Variants in CCM2 observed in about 807,000 individuals in gnomAD.
CCM2 encodes the protein cerebral cavernous malformations 2 protein.
In CCM2, 25 loss-of-function variants were observed where a neutral mutation model predicts 44.9. That is an observed-to-expected ratio of 0.56 (90% CI 0.41 to 0.78). CCM2 has a LOEUF of 0.78. Ranked by LOEUF, CCM2 falls within the 30% of genes least tolerant of loss-of-function variation. The probability of loss-of-function intolerance (pLI) is 0.00; values close to 1 mark genes in which losing one functional copy is unlikely to be tolerated. For missense variants in CCM2, 481 were observed against 580.6 expected (o/e 0.83, Z 1.76); for synonymous variants, 219 against 241.1 (o/e 0.91, Z 0.85).
chr7:45,054,429 T>A (rs375656951), intron 2 of CCM2, among the ~76,000 whole-genome samples: 1 of 152,068 alleles, frequency 6.6e-6, no homozygotes, highest in Admixed American at 6.5e-5. Context: ...CCACGGGAAC[T>A]TTATCAATCA....
chr7:45,041,682 G>C (rs1009003576), intron 2 of CCM2, among the ~76,000 whole-genome samples: 2 of 152,190 alleles, frequency 1.3e-5, no homozygotes, highest in Non-Finnish European at 2.9e-5. Flanking sequence ...CTCTGTGCCT[G>C]CTACCAGAGG....
chr7:45,039,909 C>T (rs1447249593), intron 2 of CCM2, among the ~76,000 whole-genome samples: 1 of 151,954 alleles, frequency 6.6e-6, no homozygotes, highest in African/African-American at 2.4e-5. Flanking sequence ...CGCCTGTAAT[C>T]CCAGCTACTT....
chr7:45,059,403 C>T (rs1182217770), intron 2 of CCM2, among the ~76,000 whole-genome samples: 2 of 144,382 alleles, frequency 1.4e-5, no homozygotes, highest in Non-Finnish European at 3.0e-5. Context: ...GGCAATGTGG[C>T]GAAACCCTGT....
chr7:45,043,817 C>T (rs1797626957), intron 2 of CCM2: 1 of 338,344 alleles, frequency 3.0e-6, no homozygotes, highest in African/African-American at 2.3e-5. Flanking sequence ...ATGTTTCAAA[C>T]CACTCTCCGT....
chr7:45,064,411 A>G (rs1798666688), intron 3 of CCM2, 52 bp from the exon 4 acceptor site: 2 of 1,584,104 alleles, frequency 1.3e-6, no homozygotes, highest in Non-Finnish European at 1.7e-6. Context: ...GAAGCGCCCC[A>G]TGCCGGTTGA....
intron 9 of CCM2, 55 bp downstream of exon 9, chr7:45,074,463 A>G (rs776469228): frequency 2.7e-6 from 4 of 1,475,146 alleles, no homozygotes; most frequent in Non-Finnish European, 3.8e-6. Context: ...GGAGAGGCTG[A>G]TCCCTCCTGG....
At chr7:45,033,781 A>G (rs1422234394) in intron 1 of CCM2, among the ~76,000 whole-genome samples, 1 of 143,138 alleles carries the variant, frequency 7.0e-6, no homozygotes, top group Non-Finnish European at 1.5e-5. Flanking sequence ...GTGGTCAAGC[A>G]TACACATTTG....
chr7:45,021,543 G>A (rs561218307), intron 1 of CCM2, among the ~76,000 whole-genome samples: 1 of 150,684 alleles, frequency 6.6e-6, no homozygotes, highest in Admixed American at 6.6e-5. Flanking sequence ...CAATCTGGGC[G>A]ACAGAGCGAG....
chr7:45,000,221 G>A lies in CCM2; in HGVS notation c.-113G>A. 1 of 619,178 alleles carries A rather than the reference G, an allele frequency of 1.6e-6. No homozygotes were observed. Among genetic ancestry groups the A allele is most frequent in the Non-Finnish European group, 2.0e-6 (1 of 494,858 alleles). 38.4% of individuals were successfully genotyped at this position (619,178 alleles called of 1,614,324 possible). A position where few individuals can be genotyped will look rare whatever the true frequency, so the allele number is the denominator to read the frequency against. On this transcript the variant is annotated 5_prime_UTR_variant, in exon 1 of 10. Transcript: ENST00000258781. ...GGGGCGGAGACTTCGGGCCCGGCTG[G>A]CGGGCGGCGCCGGGAGCGCGGGGGC...
intron 2 of CCM2, among the ~76,000 whole-genome samples, chr7:45,039,186 C>A (rs112772687): frequency 6.6e-6 from 1 of 152,292 alleles, no homozygotes; most frequent in African/African-American, 2.4e-5. Flanking sequence ...TCATCCCCAC[C>A]CACTGGAAGA....
intron 2 of CCM2, among the ~76,000 whole-genome samples, chr7:45,045,684 G>A (rs894975164): frequency 2.6e-5 from 4 of 152,100 alleles, no homozygotes; most frequent in African/African-American, 4.8e-5. Context: ...CCAGCTACTC[G>A]GGAGGCTGAG....
At chr7:45,031,111 A>C (rs949209027) in intron 1 of CCM2, among the ~76,000 whole-genome samples, 1 of 151,348 alleles carries the variant, frequency 6.6e-6, no homozygotes, top group Non-Finnish European at 1.5e-5. Flanking sequence ...GCCCAGGTGC[A>C]GTGGCTTACA....
At position 45,074,455 on chromosome 7, in the gene CCM2, A is replaced by G. The variant is rs963331929; in HGVS notation, c.1054+47A>G. ...GGTGGCTTGTCCAAACCTGGCTTGGAGAGGCTGATCCCTCCTGGGAATGTG... is the reference window on the plus strand; with the variant it reads ...GGTGGCTTGTCCAAACCTGGCTTGGGGAGGCTGATCCCTCCTGGGAATGTG... On this transcript the variant is annotated intron_variant, in intron 9 of 9. Coordinates refer to ENST00000258781, the MANE Select transcript of CCM2 (RefSeq NM_031443.4). 2.0e-6 allele frequency: 3 copies of G among 1,529,922 alleles called. No individual in the cohort carries two copies. The South Asian group carries it at 3.4e-5, about 17-fold the overall frequency. 94.8% of individuals were successfully genotyped at this position (1,529,922 alleles called of 1,614,324 possible). A position where few individuals can be genotyped will look rare whatever the true frequency, so the allele number is the denominator to read the frequency against.
intron 6 of CCM2, chr7:45,071,429 G>T (rs931319423): frequency 6.5e-5 from 12 of 185,438 alleles, no homozygotes; most frequent in Non-Finnish European, 1.1e-4. Flanking sequence ...CCTTTCCCAA[G>T]ACCTCCCCGT....
intron 4 of CCM2, among the ~76,000 whole-genome samples, chr7:45,065,114 CTG>C (rs140197381): frequency 0.031 from 4,734 of 152,224 alleles, 126 homozygotes; most frequent in Non-Finnish European, 0.046. Flanking sequence ...AGGTTACTCT[CTG>C]TGTGTCCTTG....
intron 4 of CCM2, among the ~76,000 whole-genome samples, chr7:45,066,175 G>T (rs548114665): frequency 6.6e-6 from 1 of 152,202 alleles, no homozygotes; most frequent in African/African-American, 2.4e-5. Context: ...GTCTTTGAGA[G>T]AACTTTTGAT....
At chr7:45,041,875 A>G in intron 2 of CCM2, among the ~76,000 whole-genome samples, 1 of 152,174 alleles carries the variant, frequency 6.6e-6, no homozygotes, top group East Asian at 1.9e-4. Flanking sequence ...AATCAGTGGA[A>G]GCCACATGGG....
intron 1 of CCM2, among the ~76,000 whole-genome samples, chr7:45,031,406 G>A (rs1242333098): frequency 6.6e-6 from 1 of 150,584 alleles, no homozygotes; most frequent in East Asian, 1.9e-4. Flanking sequence ...AAAAAAGAGG[G>A]CCTTGCTTAG....
intron 7 of CCM2, 67 bp downstream of exon 7, chr7:45,072,850 G>T: frequency 1.0e-5 from 14 of 1,342,296 alleles, no homozygotes; most frequent in Non-Finnish European, 1.4e-5. Context: ...GTGTTGTCCA[G>T]GCTGCAGCCA....
Sources: allele counts gnomAD v4.1 joint callset (sites outside exome capture counted in the v4.1 genomes callset), GRCh38; gene constraint gnomAD v4.1.1; transcripts MANE v1.5; gene names NCBI Gene and HGNC (gene_info 2026-07-23, HGNC 2026-07-21).